The following ZNF500 variants were observed in gnomAD, a reference collection of about 807,000 sequenced individuals.
ZNF500 encodes zinc finger protein 500, also known as zinc finger protein with KRAB and SCAN domains 18.
ZNF500 carries 31 observed loss-of-function variants against 30.1 expected under a neutral mutation model. The ratio of observed to expected loss-of-function variants is 1.03; its 90% CI spans 0.77 to 1.39. The LOEUF is 1.39. Ranked by LOEUF, ZNF500 falls within the 40% of genes most tolerant of loss-of-function variation. The pLI is 0.00. For missense variants in ZNF500, 817 were observed against 657.8 expected (o/e 1.24, Z -2.65); for synonymous variants, 392 against 282.0 (o/e 1.39, Z -3.91).
At position 4,762,755 on chromosome 16, in the gene ZNF500, C is replaced by A. The variant is rs771842613; in HGVS notation, c.416G>T (p.Gly139Val). 5 of 1,597,240 alleles carry A rather than the reference C, an allele frequency of 3.1e-6. No individual in the cohort carries two copies. The African/African-American group carries it at 4.0e-5, about 13-fold the overall frequency. The change falls in exon 3 of 6, where the codon GGC (glycine) becomes GTC (valine). Residue 139 changes from glycine to valine, a missense_variant and splice_region_variant. Physicochemically the swap from Gly to Val is moderately radical, Grantham distance 109. Coordinates refer to ENST00000219478, the MANE Select transcript of ZNF500 (RefSeq NM_021646.4). ...QRKPRKHRQRGSELLSDDEVP... is the reference protein window; with the variant it reads ...QRKPRKHRQRVSELLSDDEVP... ...CTCGTCATCAGAAAGCAGCTCTGAG[C>A]CCTGCACACAGACAGTGATCTCCCC...
chr16:4,766,207 T>G, intron 1 of ZNF500, 131 bp from the exon 2 acceptor site: 1 of 450,646 alleles, frequency 2.2e-6, no homozygotes, highest in Non-Finnish European at 3.9e-6. Context: ...AGTGGATGAA[T>G]GTCATCTTTG....
At chr16:4,747,507 G>C, downstream of ZNF500, 1 of 1,613,274 alleles carries the variant, frequency 6.2e-7, no homozygotes, top group South Asian at 1.1e-5. Flanking sequence ...ATGAAGCTCT[G>C]TGCCAAGGGG....
chr16:4,751,661 T>G lies in ZNF500; in HGVS notation c.*715A>C, dbSNP rs2082079130. On this transcript the variant is annotated 3_prime_UTR_variant, in exon 6 of 6. Transcript: ENST00000219478. ...GCACCCAGACCTCAGAATGTGACCTTATTTGGAAACACGGGTTTTGATGAT... is the reference window on the plus strand; with the variant it reads ...GCACCCAGACCTCAGAATGTGACCTGATTTGGAAACACGGGTTTTGATGAT... 1.3e-6 allele frequency: 2 copies of G among 1,533,470 alleles called. No homozygotes were observed. The highest frequency in any genetic ancestry group is 1.7e-6 in the Non-Finnish European group (2 of 1,145,114). 95.0% of individuals were successfully genotyped at this position (1,533,470 alleles called of 1,614,324 possible).
chr16:4,754,328 G>GGTTTGGC (rs1158287806), intron 5 of ZNF500, among the ~76,000 whole-genome samples: 2 of 152,008 alleles, frequency 1.3e-5, no homozygotes, highest in Non-Finnish European at 2.9e-5. Flanking sequence ...GCCGAAGGTG[G>GGTTTGGC]GTTTGGCACG....
At chr16:4,759,269 T>C (rs2082172250) in intron 5 of ZNF500, among the ~76,000 whole-genome samples, 2 of 150,718 alleles carry the variant, frequency 1.3e-5, no homozygotes, top group Admixed American at 6.6e-5. Flanking sequence ...GTGGAGAAAC[T>C]GGAACCCTTG....
Position 4,762,703 on chromosome 16 carries a change from G to C in ZNF500, c.468C>G (p.Phe156Leu). Reference sequence around the variant, plus strand: ...GCTGAGCCTCTGCCTGGTGTTTTAAGAACTGTCCCCCTATCCCGAGGGGCA... The same window carrying C: ...GCTGAGCCTCTGCCTGGTGTTTTAACAACTGTCCCCCTATCCCGAGGGGCA... ...DEVPLGIGGQ[F>L]LKHQAEAQPE... Residue 156 changes from phenylalanine to leucine, a missense_variant, in exon 3 of 6, where the codon TTC becomes TTG. By Grantham distance (22) the Phe-to-Leu change is conservative. Transcript: ENST00000219478. 6.2e-7 allele frequency: 1 copy of C among 1,613,764 alleles called. No homozygotes were observed. Among genetic ancestry groups the C allele is most frequent in the East Asian group, 2.2e-5 (1 of 44,718 alleles).
chr16:4,760,180 G>A (rs1246022795), intron 5 of ZNF500, among the ~76,000 whole-genome samples: 3 of 152,234 alleles, frequency 2.0e-5, no homozygotes, highest in Non-Finnish European at 4.4e-5. Context: ...GGGAGAGGCT[G>A]GAGAACCAGG....
At chr16:4,745,133 C>G, downstream of ZNF500, 1 of 1,294,654 alleles carries the variant, frequency 7.7e-7, no homozygotes, top group Non-Finnish European at 1.1e-6. Flanking sequence ...CACTCTCAAG[C>G]ATCTGATCAG....
At chr16:4,746,759 A>G (rs1596488151), downstream of ZNF500, 3 of 758,938 alleles carry the variant, frequency 4.0e-6, no homozygotes, top group African/African-American at 1.8e-5. Flanking sequence ...GCTGGAGGGC[A>G]TCACCCACAC....
chr16:4,764,952 T>C (rs1483848499), intron 2 of ZNF500, among the ~76,000 whole-genome samples: 4 of 152,044 alleles, frequency 2.6e-5, no homozygotes, highest in Admixed American at 2.0e-4. Context: ...TTCTCCCACT[T>C]TGGGGGTAGT....
chr16:4,752,706 G>C lies in ZNF500; in HGVS notation c.1113C>G (p.His371Gln). ...GCTTCTCGCCTGTGTGCACCCTCTGGTGCGTGCTGAAGTTGGAGCGGTCGC... is the reference window on the plus strand; with the variant it reads ...GCTTCTCGCCTGTGTGCACCCTCTGCTGCGTGCTGAAGTTGGAGCGGTCGC... ...GFSDRSNFST[H>Q]QRVHTGEKPY... Residue 371 changes from histidine to glutamine, a missense_variant, in exon 6 of 6, where the codon CAC (histidine) becomes CAG (glutamine). Physicochemically the swap from His to Gln is conservative, Grantham distance 24 (BLOSUM62 0). Transcript: ENST00000219478. The C allele has an allele frequency of 6.2e-7, 1 of 1,614,208 alleles. No individual in the cohort carries two copies. Among genetic ancestry groups the C allele is most frequent in the South Asian group, 1.1e-5 (1 of 91,084 alleles).
In ZNF500 at chr16:4,752,760, G is replaced by C; in HGVS notation, c.1059C>G (p.Tyr353Ter). The C allele has an allele frequency of 3.7e-6, 6 of 1,614,212 alleles. No homozygotes were observed. Among genetic ancestry groups the C allele is most frequent in the Non-Finnish European group, 5.1e-6 (6 of 1,180,024 alleles). ...HQRTHTGERP[Y>*]KCLVCGKGFS... is the part of the protein sequence containing the mutation. Reference sequence around the variant, plus strand: ...AGCCCTTCCCACAGACTAGGCACTTGTAAGGCCGCTCGCCCGTGTGTGTGC... The same window carrying C: ...AGCCCTTCCCACAGACTAGGCACTTCTAAGGCCGCTCGCCCGTGTGTGTGC... Residue 353 changes from tyrosine (Y) to a stop codon, truncating the protein, a stop_gained, in exon 6 of 6, where the codon TAC (tyrosine) becomes TAG (stop). Coordinates refer to ENST00000219478, the MANE Select transcript of ZNF500 (RefSeq NM_021646.4). LOFTEE classifies it low-confidence loss of function (END_TRUNC).
chr16:4,765,422 A>C (rs2082253165), intron 2 of ZNF500, 143 bp downstream of exon 2: 1 of 1,171,120 alleles, frequency 8.5e-7, no homozygotes, highest in South Asian at 1.6e-5. Context: ...AAGGCTGAGA[A>C]ATCTTTTGCA....
At chr16:4,763,434 T>G (rs2082229669) in intron 2 of ZNF500, among the ~76,000 whole-genome samples, 1 of 150,870 alleles carries the variant, frequency 6.6e-6, no homozygotes, top group African/African-American at 2.4e-5. Flanking sequence ...AAAAAAGAAA[T>G]TATCAACAGG....
At position 4,750,299 on chromosome 16, in the gene ZNF500, A is replaced by C. The variant is rs2082065036; in HGVS notation, c.*2077T>G. 1 of 152,310 alleles carries C rather than the reference A, an allele frequency of 6.6e-6. No homozygotes were observed. The highest frequency in any genetic ancestry group is 2.1e-4 in the South Asian group (1 of 4,830). The allele number at this position is 152,310 out of a possible 1,614,324, so 9.4% of individuals were successfully genotyped here. On this transcript the variant is annotated 3_prime_UTR_variant, in exon 6 of 6. Transcript: ENST00000219478. The stretch of plus-strand genomic sequence containing the variant: ...ATTCTGCAGACACAGGACAGAGCAC[A>C]CAGGGGCCAGAAGCAATGACTTAAA...
chr16:4,764,418 T>A (rs1433885346), intron 2 of ZNF500, among the ~76,000 whole-genome samples: 3 of 151,704 alleles, frequency 2.0e-5, no homozygotes, highest in African/African-American at 7.3e-5. Flanking sequence ...GCCAGCTACT[T>A]GGGAGGCTGA....
At chr16:4,762,909 T>C in intron 2 of ZNF500, 153 bp from the exon 3 acceptor site, 2 of 985,296 alleles carry the variant, frequency 2.0e-6, no homozygotes, top group Non-Finnish European at 2.4e-6. Flanking sequence ...CGTGTGGCAG[T>C]GTTCCCTGCA....
At chr16:4,755,925 G>C (rs909533494) in intron 5 of ZNF500, among the ~76,000 whole-genome samples, 2 of 152,172 alleles carry the variant, frequency 1.3e-5, no homozygotes, top group African/African-American at 4.8e-5. Flanking sequence ...AGGAACACAT[G>C]ACACTGAGCA....
Position 4,765,446 on chromosome 16 carries a change from A to G in ZNF500, c.414+119T>C. Reference sequence around the variant, plus strand: ...AAATCTTTTGCAGTTGCTTTCCTCAAAAGGGCTCAGGGGCCAGGCAGCCAC... The same window carrying G: ...AAATCTTTTGCAGTTGCTTTCCTCAGAAGGGCTCAGGGGCCAGGCAGCCAC... On this transcript the variant is annotated intron_variant, in intron 2 of 5. Coordinates refer to ENST00000219478, the MANE Select transcript of ZNF500 (RefSeq NM_021646.4). 3 of 1,418,688 alleles carry G rather than the reference A, an allele frequency of 2.1e-6. No homozygotes were observed. The South Asian group carries it at 4.2e-5, about 20-fold the overall frequency. 87.9% of individuals were successfully genotyped at this position (1,418,688 alleles called of 1,614,324 possible). A position where few individuals can be genotyped will look rare whatever the true frequency, so the allele number is the denominator to read the frequency against.
Sources: allele counts gnomAD v4.1 joint callset (sites outside exome capture counted in the v4.1 genomes callset), GRCh38; gene constraint gnomAD v4.1.1; transcripts MANE v1.5; gene names NCBI Gene and HGNC (gene_info 2026-07-23, HGNC 2026-07-21).